Variants in FHAD1 observed in about 807,000 individuals in gnomAD.
FHAD1 encodes forkhead-associated domain-containing protein 1.
A neutral mutation model predicts 191.3 loss-of-function variants in FHAD1; 146 were observed. That is an observed-to-expected ratio of 0.76 (90% CI 0.67 to 0.88). FHAD1 has a LOEUF of 0.88. Ranked by LOEUF, FHAD1 falls within the 40% of genes least tolerant of loss-of-function variation. The pLI is 0.00. For missense variants in FHAD1, 1,635 were observed against 1,785.8 expected, an observed-to-expected ratio of 0.92 and a Z score of 1.52; for synonymous variants, 616 against 672.3, an observed-to-expected ratio of 0.92 and a Z score of 1.29.
intron 2 of FHAD1, among the ~76,000 whole-genome samples, chr1:15,259,874 GC>G (rs895112155): frequency 6.6e-6 from 1 of 152,258 alleles, no homozygotes; most frequent in African/African-American, 2.4e-5. Flanking sequence ...GCCAGAAAGG[GC>G]CCCCCTCTCC....
At chr1:15,388,173 A>T in intron 32 of FHAD1, 42 bp downstream of exon 32, 1 of 1,188,448 alleles carries the variant, frequency 8.4e-7, no homozygotes, top group Non-Finnish European at 1.1e-6. Flanking sequence ...GAGTAGAGAC[A>T]GTCTCAACTG....
intron 6 of FHAD1, among the ~76,000 whole-genome samples, chr1:15,308,405 G>A (rs1359278193): frequency 6.6e-6 from 1 of 152,188 alleles, no homozygotes. Context: ...CAAAGATAAG[G>A]TTCATGTTTT....
At chr1:15,253,148 CTGTGTGTGTGTGTGTGTGTG>C (rs5772631) in intron 2 of FHAD1, among the ~76,000 whole-genome samples, 1 of 146,046 alleles carries the variant, frequency 6.8e-6, no homozygotes, top group African/African-American at 2.5e-5. Context: ...GACATAAGTG[CTGTGTGTGTGTGTGTGTGTG>C]TGTGTGTGTG....
chr1:15,299,005 CA>C (rs58304783), intron 5 of FHAD1, among the ~76,000 whole-genome samples: 99 of 125,734 alleles, frequency 7.9e-4, no homozygotes, highest in African/African-American at 1.6e-3. Flanking sequence ...TCGATTTCTG[CA>C]AAAAAAAAAA....
chr1:15,289,051 C>T lies in FHAD1; in HGVS notation c.301-348C>T, dbSNP rs1663543199. Among the ~76,000 whole-genome samples the T allele has an allele frequency of 6.6e-6, 1 of 152,190 alleles. No individual in the cohort carries two copies. The highest frequency in any genetic ancestry group is 1.5e-5 in the Non-Finnish European group (1 of 68,032). ...CCAGGATGGAGTGCAGTGGTGCTAT[C>T]ACAGCTCACTGCAGCCTCTACTTCC... On this transcript the variant is annotated intron_variant, in intron 3 of 33. Coordinates refer to ENST00000688493, the MANE Select transcript of FHAD1 (RefSeq NM_001391957.1). The surrounding 1 kb of genome is among the most constrained non-coding windows in gnomAD (Gnocchi z 4.2).
Position 15,386,293 on chromosome 1 carries a change from A to G in FHAD1, c.4189-1758A>G, listed in dbSNP as rs189018887. Among the ~76,000 whole-genome samples, 635 of 152,332 alleles carry G rather than the reference A, an allele frequency of 4.2e-3. 5 individuals are homozygous for G. Among genetic ancestry groups the G allele is most frequent in the African/African-American group, 0.014 (565 of 41,574 alleles). ...CGGGGGCAGTGCCTGCATCGCTTTC[A>G]ATGAGCTTCCTGCCCGCTGGCGAGT... is the stretch of plus-strand genomic sequence containing the variant. On this transcript the variant is annotated intron_variant, in intron 31 of 33. Coordinates refer to ENST00000688493, the MANE Select transcript of FHAD1 (RefSeq NM_001391957.1).
intron 27 of FHAD1, 82 bp from the exon 28 acceptor site, chr1:15,375,521 C>T (rs958311348): frequency 3.8e-6 from 5 of 1,320,622 alleles, no homozygotes; most frequent in Non-Finnish European, 5.1e-6. Context: ...GTGTAAGTGT[C>T]CTGTAAATAG....
At chr1:15,317,731 G>A in intron 9 of FHAD1, 93 bp from the exon 10 acceptor site, 1 of 747,854 alleles carries the variant, frequency 1.3e-6, no homozygotes, top group Middle Eastern at 2.4e-4. Flanking sequence ...TAATGGATGG[G>A]ATGCCAGGGG....
chr1:15,303,152 C>T (rs1257363685), intron 6 of FHAD1, among the ~76,000 whole-genome samples: 1 of 152,200 alleles, frequency 6.6e-6, no homozygotes, highest in Non-Finnish European at 1.5e-5. Context: ...TGTCTTCTTA[C>T]AGTTGTGTTC....
chr1:15,305,617 G>A, intron 6 of FHAD1: 1 of 235,742 alleles, frequency 4.2e-6, no homozygotes, highest in South Asian at 4.2e-5. Context: ...TGTTGTGGGA[G>A]GGACCCAGCA....
chr1:15,305,982 T>C (rs1670366010), intron 6 of FHAD1, among the ~76,000 whole-genome samples: 1 of 152,040 alleles, frequency 6.6e-6, no homozygotes, highest in South Asian at 2.1e-4. Context: ...CAGGCAGAAG[T>C]TGGAACAGTT....
intron 2 of FHAD1, among the ~76,000 whole-genome samples, chr1:15,259,004 A>G (rs1649710157): frequency 6.6e-6 from 1 of 152,144 alleles, no homozygotes; most frequent in Non-Finnish European, 1.5e-5. Flanking sequence ...TGTTTTCCAC[A>G]GTGGCTGCAC....
Position 15,329,219 on chromosome 1 carries a change from C to A in FHAD1, c.1711-127C>A. 1 of 710,252 alleles carries A rather than the reference C, an allele frequency of 1.4e-6. No individual in the cohort carries two copies. The highest frequency in any genetic ancestry group is 2.2e-6 in the Non-Finnish European group (1 of 450,836). The allele number at this position is 710,252 out of a possible 1,614,324, so 44.0% of individuals were successfully genotyped here. On this transcript the variant is annotated intron_variant, in intron 13 of 33. Transcript: ENST00000688493. The surrounding 1 kb of genome is among the most constrained non-coding windows in gnomAD (Gnocchi z 5.0). ...TAAAAAAGAAAAAAACTGAGTCCTC[C>A]CAAGGCGGCCAATACGTGGCGCTGC... is the stretch of plus-strand genomic sequence containing the variant.
intron 2 of FHAD1, among the ~76,000 whole-genome samples, chr1:15,260,353 A>G (rs1469838103): frequency 2.0e-5 from 3 of 152,330 alleles, no homozygotes; most frequent in East Asian, 1.9e-4. Flanking sequence ...CAGGTGGTTA[A>G]TACTACAGTA....
At chr1:15,242,129 C>T (rs10927745) in intron 1 of FHAD1, among the ~76,000 whole-genome samples, 17 of 149,942 alleles carry the variant, frequency 1.1e-4, no homozygotes, top group African/African-American at 3.4e-4. Context: ...GCTACTCAGG[C>T]GGCTGAAGCA....
intron 2 of FHAD1, among the ~76,000 whole-genome samples, chr1:15,270,013 T>A (rs12047902): frequency 6.6e-6 from 1 of 150,478 alleles, no homozygotes; most frequent in Non-Finnish European, 1.5e-5. Context: ...TGGGTTCAAG[T>A]GATTCTCCTT....
At chr1:15,368,810 G>T (rs1697287806) in intron 25 of FHAD1, among the ~76,000 whole-genome samples, 1 of 152,182 alleles carries the variant, frequency 6.6e-6, no homozygotes, top group Non-Finnish European at 1.5e-5. Context: ...ATGTGGTGGT[G>T]CATGCCTGTC....
chr1:15,236,878 C>T (rs1027161373), intron 1 of FHAD1, among the ~76,000 whole-genome samples: 4 of 152,070 alleles, frequency 2.6e-5, no homozygotes, highest in Non-Finnish European at 4.4e-5. Context: ...CCACACATGT[C>T]GTGGAAGGGA....
chr1:15,334,073 C>T (rs995121728), intron 14 of FHAD1: 2 of 152,016 alleles, frequency 1.3e-5, no homozygotes, highest in African/African-American at 4.8e-5. Flanking sequence ...CTCAATCAAC[C>T]CACTCAACTC....
Sources: allele counts gnomAD v4.1 joint callset (sites outside exome capture counted in the v4.1 genomes callset), GRCh38; gene constraint gnomAD v4.1.1; non-coding constraint Gnocchi (gnomAD v3.1); transcripts MANE v1.5; gene names NCBI Gene and HGNC (gene_info 2026-07-23, HGNC 2026-07-21).